SERPINB12: variants seen among roughly 807,000 people sequenced by gnomAD.
The protein encoded by SERPINB12 is serpin family B member 12.
In SERPINB12, 57 loss-of-function variants were observed where a neutral mutation model predicts 41.1. The ratio of observed to expected loss-of-function variants is 1.39; its 90% CI spans 1.12 to 1.73. The LOEUF (loss-of-function observed/expected upper bound fraction) is 1.73. SERPINB12 is among the 40% of genes most tolerant of loss of function. The pLI is 0.00. For missense variants in SERPINB12, 536 were observed against 501.9 expected (o/e 1.07, Z -0.65); for synonymous variants, 180 against 181.3 (o/e 0.99, Z 0.06).
chr18:63,545,355 T>C (rs1308892373), intron 1 of SERPINB12, among the ~76,000 whole-genome samples: 4 of 152,152 alleles, frequency 2.6e-5, no homozygotes, highest in African/African-American at 9.7e-5. Context: ...TTCAGTGATA[T>C]ATTACATGTG....
chr18:63,555,177 G>T (rs1365808096), intron 1 of SERPINB12, among the ~76,000 whole-genome samples: 1 of 152,142 alleles, frequency 6.6e-6, no homozygotes, highest in East Asian at 1.9e-4. Context: ...CATCATTCAA[G>T]ATTTATTGTC....
chr18:63,555,532 C>T (rs1376147918), intron 1 of SERPINB12, among the ~76,000 whole-genome samples: 4 of 152,162 alleles, frequency 2.6e-5, no homozygotes, highest in African/African-American at 9.7e-5. Flanking sequence ...AATCCTTCTA[C>T]CTGTGAATAT....
intron 3 of SERPINB12, among the ~76,000 whole-genome samples, chr18:63,559,003 C>CTTTCTTTCTTTTCATTCTTTCT (rs1491386715): frequency 3.8e-5 from 3 of 78,536 alleles, no homozygotes; most frequent in African/African-American, 1.5e-4. Flanking sequence ...TCTTTCCTTC[C>CTTTCTTTCTTTTCATTCTTTCT]TTCTTTCTTT....
At chr18:63,541,448 G>A (rs540527000), upstream of SERPINB12, among the ~76,000 whole-genome samples, 1 of 152,170 alleles carries the variant, frequency 6.6e-6, no homozygotes, top group African/African-American at 2.4e-5. Flanking sequence ...CCCTCAAGAG[G>A]AGGAGGCTTT....
At chr18:63,556,924 C>A (rs542697354) in intron 2 of SERPINB12, among the ~76,000 whole-genome samples, 1 of 152,236 alleles carries the variant, frequency 6.6e-6, no homozygotes, top group African/African-American at 2.4e-5. Context: ...GATGGGCTTT[C>A]CTGCTCTCAC....
the SERPINB12 span, among the ~76,000 whole-genome samples, chr18:63,532,777 T>C: frequency 6.6e-5 from 10 of 152,170 alleles, no homozygotes; most frequent in Admixed American, 5.2e-4. Context: ...GGCTTCTGAG[T>C]GATGTTTGAT....
intron 1 of SERPINB12, among the ~76,000 whole-genome samples, chr18:63,549,489 G>C (rs1337207424): frequency 6.6e-6 from 1 of 152,004 alleles, no homozygotes; most frequent in African/African-American, 2.4e-5. Flanking sequence ...TGGTCAGTAG[G>C]AGGTGACATT....
chr18:63,532,978 TTTC>T, the SERPINB12 span, among the ~76,000 whole-genome samples: 28 of 152,166 alleles, frequency 1.8e-4, 1 homozygote, highest in Admixed American at 1.2e-3. Flanking sequence ...TCCTTTCATG[TTTC>T]TTCTTCTTTT....
At position 63,556,331 on chromosome 18, in the gene SERPINB12, C is replaced by T. The variant is rs774180525; in HGVS notation, c.168+4C>T. 5.6e-6 allele frequency: 9 copies of T among 1,613,244 alleles called. No homozygotes were observed. The highest frequency in any genetic ancestry group is 2.2e-5 in the East Asian group (1 of 44,874). ...CAGTGCACATCAGATTGATGAGGTA[C>T]GTGTCCACTAGGGTGCTACACAGGG... On this transcript the variant is annotated splice_donor_region_variant and intron_variant, in intron 2 of 7. Coordinates refer to ENST00000382768, the MANE Select transcript of SERPINB12 (RefSeq NM_001307928.2).
chr18:63,559,715 T>C lies in SERPINB12; in HGVS notation c.441T>C (p.Cys147=). 6.2e-7 allele frequency: 1 copy of C among 1,614,002 alleles called. No individual in the cohort carries two copies. The change falls in exon 4 of 8, where the codon TGT becomes TGC. Residue 147 remains cysteine (C), a synonymous_variant. Transcript: ENST00000382768. The part of the protein sequence containing the change: ...RLYGEQEFPI[C]QEYLDGVIQF... Reference sequence around the variant, plus strand: ...ATGGAGAGCAGGAATTCCCAATCTGTCAGGTGAGTTGCACACGAATGGTGA... The same window carrying C: ...ATGGAGAGCAGGAATTCCCAATCTGCCAGGTGAGTTGCACACGAATGGTGA...
chr18:63,523,307 A>G, the SERPINB12 span, among the ~76,000 whole-genome samples: 6 of 152,334 alleles, frequency 3.9e-5, no homozygotes, highest in African/African-American at 1.4e-4. Context: ...TTCGAAGTTC[A>G]TTTTTCCTAA....
chr18:63,556,356 G>T (rs1042034746), intron 2 of SERPINB12, 29 bp downstream of exon 2: 1 of 1,590,308 alleles, frequency 6.3e-7, no homozygotes, highest in South Asian at 1.1e-5. Flanking sequence ...GCTACACAGG[G>T]TCCTAAACTC....
At position 63,565,506 on chromosome 18, in the gene SERPINB12, A is replaced by T; in HGVS notation, c.767A>T (p.Glu256Val). 1 of 1,614,100 alleles carries T rather than the reference A, an allele frequency of 6.2e-7. No homozygotes were observed. The highest frequency in any genetic ancestry group is 2.2e-5 in the East Asian group (1 of 44,878). ...GGCCTCTACAGAATTGGCTTCATAG[A>T]GGAGGTGAAGGCACAGATCCTGGAA... ...QKGLYRIGFI[E>V]EVKAQILEMR... Residue 256 changes from glutamate to valine, a missense_variant, in exon 7 of 8, where the codon GAG becomes GTG. Glu to Val is a moderately radical substitution (Grantham distance 121). Transcript: ENST00000382768.
chr18:63,521,109 T>G, the SERPINB12 span, among the ~76,000 whole-genome samples: 2 of 152,176 alleles, frequency 1.3e-5, no homozygotes, highest in Non-Finnish European at 2.9e-5. Context: ...AGGAATTTTT[T>G]TGTGTGAGGT....
chr18:63,542,665 G>T (rs2144312658), intron 1 of SERPINB12, among the ~76,000 whole-genome samples, 173 bp downstream of exon 1: 1 of 152,188 alleles, frequency 6.6e-6, no homozygotes, highest in South Asian at 2.1e-4. Flanking sequence ...TTTAGGTCAG[G>T]GTGTATGTGT....
At chr18:63,527,821 A>G in the SERPINB12 span, among the ~76,000 whole-genome samples, 208 of 152,278 alleles carry the variant, frequency 1.4e-3, no homozygotes, top group African/African-American at 4.7e-3. Flanking sequence ...TAGGTAATTG[A>G]TATGGTTTGG....
rs951037268 is a variant in SERPINB12 at position 63,567,198 on chromosome 18, T to C, written c.*187T>C. Among the ~76,000 whole-genome samples the C allele has an allele frequency of 6.6e-6, 1 of 152,202 alleles. No homozygotes were observed. The highest frequency in any genetic ancestry group is 1.5e-5 in the Non-Finnish European group (1 of 68,036). ...TTATTTTCATCTGAGTCTGTTAGTA[T>C]TGAAGGGCTGTTGTTCTCTACCCTA... On this transcript the variant is annotated 3_prime_UTR_variant, in exon 8 of 8. Coordinates refer to ENST00000382768, the MANE Select transcript of SERPINB12 (RefSeq NM_001307928.2).
intron 1 of SERPINB12, among the ~76,000 whole-genome samples, chr18:63,555,018 G>T (rs947527464): frequency 3.9e-5 from 6 of 152,054 alleles, no homozygotes; most frequent in Middle Eastern, 3.4e-3. Flanking sequence ...TTCTCCTTCC[G>T]CCATGATTGT....
intron 3 of SERPINB12, among the ~76,000 whole-genome samples, chr18:63,558,743 G>T (rs1266914381): frequency 6.6e-6 from 1 of 152,134 alleles, no homozygotes; most frequent in African/African-American, 2.4e-5. Context: ...TCCCTCATCT[G>T]CTTCTATAGG....
Sources: allele counts gnomAD v4.1 joint callset (sites outside exome capture counted in the v4.1 genomes callset), GRCh38; gene constraint gnomAD v4.1.1; transcripts MANE v1.5; gene names NCBI Gene and HGNC (gene_info 2026-07-23, HGNC 2026-07-21).